Variants in DIAPH2 observed in about 807,000 individuals in gnomAD.
The protein encoded by DIAPH2 is protein diaphanous homolog 2.
Under a neutral mutation model 92.7 loss-of-function variants are expected in DIAPH2, and 35 were observed. That is an observed-to-expected ratio of 0.38 (90% CI 0.29 to 0.50). DIAPH2 has a LOEUF of 0.50. Ranked by LOEUF, DIAPH2 falls within the 20% of genes least tolerant of loss-of-function variation. DIAPH2 has a pLI of 0.94. For missense variants in DIAPH2, 701 were observed against 819.5 expected, an observed-to-expected ratio of 0.86 and a Z score of 1.77; for synonymous variants, 301 against 280.4, an observed-to-expected ratio of 1.07 and a Z score of -0.73.
At chrX:96,975,891 C>G (rs1193722657) in intron 17 of DIAPH2, among the ~76,000 whole-genome samples, 1 of 111,361 alleles carries the variant, frequency 9.0e-6, no homozygotes, top group Non-Finnish European at 1.9e-5. Context: ...CCTCCTGATA[C>G]CATCACCTTG....
intron 26 of DIAPH2, among the ~76,000 whole-genome samples, chrX:97,456,422 CAAACAATAAAT>C (rs2070406444): frequency 9.0e-6 from 1 of 110,879 alleles, no homozygotes; most frequent in African/African-American, 3.3e-5. Context: ...AGTGATAAAC[CAAACAATAAAT>C]AAACAGAGTA....
intron 26 of DIAPH2, among the ~76,000 whole-genome samples, chrX:97,469,413 TGCAGCTTGAGATGGAGTGCTGGCAATAC>T (rs1434039271): frequency 8.9e-6 from 1 of 111,903 alleles, no homozygotes; most frequent in Non-Finnish European, 1.9e-5. Flanking sequence ...CAAGCAAGAA[TGCAGCTTGAGATGGAGTGCTGGCAATAC>T]GCAGTTCATT....
At position 96,914,507 on chromosome X, in the gene DIAPH2, C is replaced by CT. The variant is rs1261797126; in HGVS notation, c.733-1930dup. Among the ~76,000 whole-genome samples the CT allele has an allele frequency of 3.6e-5, 4 of 111,315 alleles. No homozygotes were observed. In the East Asian group the frequency reaches 1.1e-3, roughly 31 times the overall value. On this transcript the variant is annotated intron_variant, in intron 7 of 26. Coordinates refer to ENST00000324765, the MANE Select transcript of DIAPH2 (RefSeq NM_006729.5). The stretch of plus-strand genomic sequence containing the variant: ...GCCTTTGGAAAATTACTTGACCTCT[C>CT]TGAGTATCAGTCCCCTCATCTGTAA...
chrX:97,293,459 G>T (rs1381136271), intron 23 of DIAPH2, among the ~76,000 whole-genome samples: 3 of 109,595 alleles, frequency 2.7e-5, no homozygotes, highest in Non-Finnish European at 3.8e-5. Context: ...CACCATGTTG[G>T]CCAGGATGGT....
chrX:97,003,378 C>T (rs1214176527), intron 17 of DIAPH2, among the ~76,000 whole-genome samples: 1 of 111,713 alleles, frequency 9.0e-6, no homozygotes, highest in African/African-American at 3.3e-5. Flanking sequence ...AACCTTCAAA[C>T]TGTTCTCCAT....
In DIAPH2 at chrX:96,758,212, C is replaced by G. The variant is rs769628938; in HGVS notation, c.401C>G (p.Thr134Ser). 2.5e-6 allele frequency: 3 copies of G among 1,204,254 alleles called. No homozygotes were observed. The highest frequency in any genetic ancestry group is 2.2e-5 in the Admixed American group (1 of 44,735). ...KAPLRNKDFTTKREMVVQYIS... is the reference protein window; with the variant it reads ...KAPLRNKDFTSKREMVVQYIS... The stretch of plus-strand genomic sequence containing the variant: ...CCTTTACGAAACAAAGACTTTACCA[C>G]CAAACGTGAGATGGTTGTCCAGTAT... Residue 134 changes from threonine (T) to serine (S), a missense_variant, in exon 4 of 27, where the codon ACC becomes AGC. Thr to Ser is a moderately conservative substitution (Grantham distance 58). This residue lies in a region of DIAPH2 where 131 missense variants were observed against 145.6 expected (regional missense o/e 0.90). Coordinates refer to ENST00000324765, the MANE Select transcript of DIAPH2 (RefSeq NM_006729.5).
At chrX:97,274,950 G>C (rs759017477) in intron 23 of DIAPH2, among the ~76,000 whole-genome samples, 1 of 111,255 alleles carries the variant, frequency 9.0e-6, no homozygotes, top group African/African-American at 3.3e-5. Context: ...AGAGAGCACC[G>C]GGTTGGGGGT....
chrX:97,301,847 A>G (rs1343631441), intron 23 of DIAPH2, among the ~76,000 whole-genome samples: 2 of 111,137 alleles, frequency 1.8e-5, no homozygotes, highest in Non-Finnish European at 3.8e-5. Context: ...TTTAAGATCA[A>G]TAGAACTCAA....
chrX:97,009,250 AT>A (rs2066207566), intron 17 of DIAPH2, among the ~76,000 whole-genome samples: 1 of 111,006 alleles, frequency 9.0e-6, no homozygotes, highest in Non-Finnish European at 1.9e-5. Context: ...TTTGATGTTC[AT>A]TGAAGGCCGA....
rs149629869 is a variant in DIAPH2 at position 96,783,865 on chromosome X, C to T, written c.447+25607C>T. Among the ~76,000 whole-genome samples, 694 of 112,140 alleles carry T rather than the reference C, an allele frequency of 6.2e-3. 5 individuals are homozygous for T. Among genetic ancestry groups the T allele is most frequent in the African/African-American group, 0.022 (666 of 30,866 alleles). The stretch of plus-strand genomic sequence containing the variant: ...TGTAGAACCTGTAACACACACTGTT[C>T]GGTCATTTGGCCCTAGTTACCATCC... On this transcript the variant is annotated intron_variant, in intron 4 of 26. Coordinates refer to ENST00000324765, the MANE Select transcript of DIAPH2 (RefSeq NM_006729.5).
At chrX:97,570,105 T>G (rs1256303860) in intron 26 of DIAPH2, among the ~76,000 whole-genome samples, 29 of 32,242 alleles carry the variant, frequency 9.0e-4, no homozygotes, top group East Asian at 3.0e-3. Context: ...TATATATATA[T>G]ATATATATAT....
chrX:97,312,838 T>C (rs950000712), intron 23 of DIAPH2, among the ~76,000 whole-genome samples: 1 of 111,000 alleles, frequency 9.0e-6, no homozygotes. Context: ...TGGCTATTAA[T>C]TGGACACTTC....
At chrX:97,291,827 C>T (rs948742467) in intron 23 of DIAPH2, among the ~76,000 whole-genome samples, 1 of 111,388 alleles carries the variant, frequency 9.0e-6, no homozygotes, top group Non-Finnish European at 1.9e-5. Flanking sequence ...CATGAGCCAC[C>T]GGGCCCAGCA....
intron 21 of DIAPH2, among the ~76,000 whole-genome samples, chrX:97,140,945 A>G (rs1340376565): frequency 9.0e-6 from 1 of 111,507 alleles, no homozygotes; most frequent in Non-Finnish European, 1.9e-5. Flanking sequence ...TTCTAAGTAA[A>G]TCCTTGATTT....
intron 26 of DIAPH2, among the ~76,000 whole-genome samples, chrX:97,574,162 C>T (rs1051920957): frequency 9.0e-5 from 10 of 111,593 alleles, no homozygotes; most frequent in African/African-American, 2.6e-4. Context: ...TTAATTCTGC[C>T]GTAAACTGAC....
chrX:97,080,953 C>T (rs1027323312), intron 19 of DIAPH2, among the ~76,000 whole-genome samples: 1 of 111,598 alleles, frequency 9.0e-6, no homozygotes, highest in Non-Finnish European at 1.9e-5. Flanking sequence ...TGCATGTGTG[C>T]GTGCACTTTA....
At chrX:97,060,820 C>T (rs1459374987) in intron 17 of DIAPH2, among the ~76,000 whole-genome samples, 2 of 112,087 alleles carry the variant, frequency 1.8e-5, no homozygotes, top group African/African-American at 3.2e-5. Flanking sequence ...TCACAGAAGA[C>T]GGAGTTTGTC....
rs753790780 is a variant in DIAPH2 at position 97,185,447 on chromosome X, ATG to A, written c.2719+43661_2719+43662del. On this transcript the variant is annotated intron_variant, in intron 22 of 26. Coordinates refer to ENST00000324765, the MANE Select transcript of DIAPH2 (RefSeq NM_006729.5). ...TGTATATATATATGTGTATATATAT[ATG>A]TGTGTGTATATATATATATATACAC... is the stretch of plus-strand genomic sequence containing the variant. Among the ~76,000 whole-genome samples the A allele has an allele frequency of 1.0e-3, 40 of 39,360 alleles. 1 individual carries two copies. The highest frequency in any genetic ancestry group is 1.4e-3 in the Non-Finnish European group (34 of 24,273). 34.2% of individuals were successfully genotyped at this position (39,360 alleles called of 115,157 possible). A position where few individuals can be genotyped will look rare whatever the true frequency, so the allele number is the denominator to read the frequency against.
At chrX:97,087,561 A>C (rs1429780245) in intron 19 of DIAPH2, among the ~76,000 whole-genome samples, 1 of 111,707 alleles carries the variant, frequency 9.0e-6, no homozygotes, top group Non-Finnish European at 1.9e-5. Flanking sequence ...ACCTTGGGCA[A>C]GTCACTTTTC....
Sources: gnomAD v4.1 joint callset for allele counts (sites outside exome capture counted in the v4.1 genomes callset) on GRCh38, gnomAD v4.1.1 for gene constraint, gnomAD v4.1.1 regional missense constraint, MANE v1.5 for transcripts, NCBI Gene and HGNC (gene_info 2026-07-23, HGNC 2026-07-21) for gene names.